Variants in DMD observed in about 807,000 individuals in gnomAD.
DMD encodes the protein mutant dystrophin.
A neutral mutation model predicts 330.1 loss-of-function variants in DMD; 63 were observed. The observed-to-expected ratio is 0.19, with a 90% CI of 0.16 to 0.24. The LOEUF is 0.24. Among genes scored for constraint, DMD ranks in the 10% least tolerant of loss-of-function variants. DMD has a pLI of 1.00. For missense variants in DMD, 3,344 were observed against 2,684.1 expected (o/e 1.25, Z -5.43); for synonymous variants, 1,223 against 959.8 (o/e 1.27, Z -5.07).
Position 33,181,530 on chromosome X carries a change from G to A in DMD, c.31+29752C>T, listed in dbSNP as rs141202455. ...GATAACAGCAAGGGATAGGGAAGGAGAAAGTTTGACTTTCAAAGTCTAATT... is the reference window on the plus strand; with the variant it reads ...GATAACAGCAAGGGATAGGGAAGGAAAAAGTTTGACTTTCAAAGTCTAATT... On this transcript the variant is annotated intron_variant, in intron 1 of 78. Transcript: ENST00000357033. Among the ~76,000 whole-genome samples, 1,083 of 111,639 alleles carry A rather than the reference G, an allele frequency of 9.7e-3. 14 individuals carry two copies. Among genetic ancestry groups the A allele is most frequent in the African/African-American group, 0.033 (1,019 of 30,739 alleles).
intron 44 of DMD, among the ~76,000 whole-genome samples, chrX:32,125,717 GT>G (rs1003887130): frequency 9.8e-5 from 11 of 111,873 alleles, no homozygotes; most frequent in African/African-American, 3.6e-4. Flanking sequence ...ATCAAACCCT[GT>G]TTAATTTTAA....
chrX:31,341,901 A>G (rs1232737284), intron 61 of DMD, among the ~76,000 whole-genome samples: 40 of 97,593 alleles, frequency 4.1e-4, no homozygotes, highest in African/African-American at 1.0e-3. Flanking sequence ...GCACACACAC[A>G]CACACACACA....
intron 44 of DMD, among the ~76,000 whole-genome samples, chrX:32,049,153 A>G (rs968039207): frequency 4.5e-5 from 5 of 111,660 alleles, no homozygotes; most frequent in Non-Finnish European, 9.4e-5. Flanking sequence ...ACTGGCAATG[A>G]AGGGACCTCA....
chrX:31,644,987 C>A (rs772980015), intron 54 of DMD, among the ~76,000 whole-genome samples: 1 of 111,544 alleles, frequency 9.0e-6, no homozygotes, highest in Non-Finnish European at 1.9e-5. Flanking sequence ...TAATCACTAG[C>A]GTGGTGTGGT....
intron 49 of DMD, among the ~76,000 whole-genome samples, chrX:31,831,843 C>T (rs1207760720): frequency 4.4e-5 from 5 of 112,378 alleles, no homozygotes; most frequent in Non-Finnish European, 9.4e-5. Flanking sequence ...ACTTTGTGAT[C>T]CGCCCACCTT....
In DMD at chrX:32,896,771, A is replaced by G. The variant is rs6631665; in HGVS notation, c.94-46951T>C. ...ACACTTAGTTTTCACTGTGTTTAAG[A>G]AAAGTGTCTTTGCCACATTAAATGC... On this transcript the variant is annotated intron_variant, in intron 2 of 78. Transcript: ENST00000357033. Among the ~76,000 whole-genome samples the G allele has an allele frequency of 4.3e-3, 488 of 112,775 alleles. 13 individuals carry two copies. The East Asian group carries it at 0.092, about 21-fold the overall frequency.
chrX:32,998,685 A>G (rs2093196146), intron 2 of DMD, among the ~76,000 whole-genome samples: 1 of 110,927 alleles, frequency 9.0e-6, no homozygotes, highest in Non-Finnish European at 1.9e-5. Context: ...TATATATTCT[A>G]ATTGTTTTAT....
chrX:32,115,504 A>T (rs2096606904), intron 44 of DMD, among the ~76,000 whole-genome samples: 1 of 111,113 alleles, frequency 9.0e-6, no homozygotes, highest in South Asian at 3.8e-4. Context: ...TGGCCTCCCA[A>T]AGTGCTGGGA....
chrX:31,332,320 C>T (rs1020562435), intron 61 of DMD, among the ~76,000 whole-genome samples: 1 of 112,035 alleles, frequency 8.9e-6, no homozygotes, highest in African/African-American at 3.2e-5. Flanking sequence ...CCAGATCACC[C>T]GAATTACAGT....
At chrX:31,343,537 C>G (rs750935344) in intron 61 of DMD, among the ~76,000 whole-genome samples, 5 of 108,554 alleles carry the variant, frequency 4.6e-5, no homozygotes, top group Non-Finnish European at 9.5e-5. Context: ...TTCTGATAAA[C>G]AACAGACAGC....
chrX:31,130,210 G>C (rs961700276), intron 77 of DMD, among the ~76,000 whole-genome samples: 2 of 111,906 alleles, frequency 1.8e-5, no homozygotes, highest in Admixed American at 1.9e-4. Context: ...AAATATCTTT[G>C]TTAGTCTGCT....
intron 50 of DMD, among the ~76,000 whole-genome samples, chrX:31,781,696 C>T (rs757541121): frequency 5.1e-4 from 57 of 111,282 alleles, no homozygotes; most frequent in Non-Finnish European, 8.9e-4. Flanking sequence ...CAGGGTTTCT[C>T]AATCTCAGCA....
chrX:32,883,904 T>G (rs907093528), intron 2 of DMD, among the ~76,000 whole-genome samples: 1 of 108,576 alleles, frequency 9.2e-6, no homozygotes, highest in African/African-American at 3.4e-5. Context: ...TGTATCCCTT[T>G]TCATGATATT....
chrX:32,643,205 T>A (rs547096862), intron 11 of DMD, among the ~76,000 whole-genome samples: 23 of 111,355 alleles, frequency 2.1e-4, no homozygotes, highest in African/African-American at 6.8e-4. Context: ...GAAACCTCTA[T>A]CTTACATGTA....
chrX:31,130,512 C>T (rs187907954), intron 77 of DMD, among the ~76,000 whole-genome samples: 54 of 112,047 alleles, frequency 4.8e-4, no homozygotes, highest in African/African-American at 1.7e-3. Flanking sequence ...TATCTAGAGA[C>T]CAACCAGAAA....
At chrX:31,219,894 G>A (rs1019483614) in intron 64 of DMD, among the ~76,000 whole-genome samples, 1 of 107,769 alleles carries the variant, frequency 9.3e-6, no homozygotes, top group Admixed American at 1.0e-4. Context: ...TGACATTTCA[G>A]TCAACAATGG....
In DMD at chrX:31,889,620, GTCTC is replaced by G. The variant is rs34605571; in HGVS notation, c.6913-14251_6913-14248del. On this transcript the variant is annotated intron_variant, in intron 47 of 78. Transcript: ENST00000357033. Reference sequence around the variant, plus strand: ...TAAATGTAATTTAATCTCTCTCTCTGTCTCTCTCTCTCTCTCTCTCTCTCTCTCA... The same window carrying G: ...TAAATGTAATTTAATCTCTCTCTCTGTCTCTCTCTCTCTCTCTCTCTCTCA... Among the ~76,000 whole-genome samples the G allele has an allele frequency of 4.3e-3, 350 of 80,530 alleles. 2 individuals carry two copies. The highest frequency in any genetic ancestry group is 0.011 in the African/African-American group (250 of 22,464). The allele number at this position is 80,530 out of a possible 115,157, so 69.9% of individuals were successfully genotyped here.
At chrX:32,383,531 AT>A (rs1197170059) in intron 33 of DMD, among the ~76,000 whole-genome samples, 1 of 111,404 alleles carries the variant, frequency 9.0e-6, no homozygotes, top group African/African-American at 3.2e-5. Context: ...GACTTACAGC[AT>A]TTTTATAAGA....
In DMD at chrX:32,904,075, T is replaced by C. The variant is rs755609258; in HGVS notation, c.94-54255A>G. Among the ~76,000 whole-genome samples, 12 of 112,227 alleles carry C rather than the reference T, an allele frequency of 1.1e-4. No homozygotes were observed. The East Asian group carries it at 3.1e-3, about 29-fold the overall frequency. On this transcript the variant is annotated intron_variant, in intron 2 of 78. Coordinates refer to ENST00000357033, the MANE Select transcript of DMD (RefSeq NM_004006.3). ...ATAATGGATAACAATATCAAAGATA[T>C]AGCAAATATTCAACAATGGACAGTC...
Sources: allele counts gnomAD v4.1 joint callset (sites outside exome capture counted in the v4.1 genomes callset), GRCh38; gene constraint gnomAD v4.1.1; transcripts MANE v1.5; gene names NCBI Gene and HGNC (gene_info 2026-07-23, HGNC 2026-07-21).